CALN1: variants seen among roughly 807,000 people sequenced by gnomAD.
The protein encoded by CALN1 is calcium-binding protein 8.
CALN1 carries 17 observed loss-of-function variants against 30.6 expected under a neutral mutation model. The observed-to-expected ratio is 0.56, with a 90% CI of 0.38 to 0.83. The LOEUF is 0.83. Ranked by LOEUF, CALN1 falls within the 40% of genes least tolerant of loss-of-function variation. CALN1 has a pLI of 0.00. For synonymous variants in CALN1, 156 were observed against 131.4 expected, an observed-to-expected ratio of 1.19 and a Z score of -1.28; for missense variants, 291 against 354.9, an observed-to-expected ratio of 0.82 and a Z score of 1.45.
chr7:72,201,677 C>G (rs542722065), intron 3 of CALN1, among the ~76,000 whole-genome samples: 5 of 151,460 alleles, frequency 3.3e-5, no homozygotes, highest in African/African-American at 1.2e-4. Context: ...GTATCCCAAA[C>G]CTCAGCATCA....
At chr7:72,447,243 A>C (rs1482977027), upstream of CALN1, 2 of 152,552 alleles carry the variant, frequency 1.3e-5, no homozygotes, top group Admixed American at 6.6e-5. Context: ...GAAGGGTGCC[A>C]GTGCTGCTGC....
chr7:71,871,431 G>A, intron 5 of CALN1, among the ~76,000 whole-genome samples: 1 of 152,074 alleles, frequency 6.6e-6, no homozygotes, highest in East Asian at 1.9e-4. Flanking sequence ...ACAGCTGAAT[G>A]TGACTGGGAA....
intron 3 of CALN1, among the ~76,000 whole-genome samples, chr7:72,150,205 A>G (rs1415497614): frequency 6.6e-6 from 1 of 152,036 alleles, no homozygotes; most frequent in Middle Eastern, 3.2e-3. Flanking sequence ...ATCTTCACGA[A>G]TCTTTTGCAT....
intron 2 of CALN1, among the ~76,000 whole-genome samples, chr7:72,292,477 A>G (rs1417197090): frequency 6.8e-6 from 1 of 148,128 alleles, no homozygotes; most frequent in Admixed American, 6.7e-5. Flanking sequence ...TCATGACCCA[A>G]TCACCTCTCA....
the CALN1 span, among the ~76,000 whole-genome samples, chr7:72,464,093 A>G: frequency 2.1e-4 from 32 of 151,932 alleles, no homozygotes; most frequent in Admixed American, 5.9e-4. Flanking sequence ...AGAAAGAAAG[A>G]AAGAAAGAGA....
At chr7:71,837,427 A>G (rs949801183) in intron 5 of CALN1, among the ~76,000 whole-genome samples, 3 of 152,146 alleles carry the variant, frequency 2.0e-5, no homozygotes, top group Non-Finnish European at 4.4e-5. Context: ...TGAATTAACT[A>G]TAAGGGAAGA....
chr7:72,112,754 C>A (rs1807669189), intron 3 of CALN1, among the ~76,000 whole-genome samples: 1 of 152,108 alleles, frequency 6.6e-6, no homozygotes, highest in African/African-American at 2.4e-5. Context: ...AGATAAGTAG[C>A]AAAAGAAACT....
intron 3 of CALN1, among the ~76,000 whole-genome samples, chr7:72,263,093 G>A (rs999869435): frequency 6.6e-6 from 1 of 152,150 alleles, no homozygotes; most frequent in Non-Finnish European, 1.5e-5. Context: ...CCCCAGTGTT[G>A]GGGTGGTGGT....
chr7:72,336,855 G>A lies in CALN1; in HGVS notation c.120-58045C>T, dbSNP rs1025837605. 3 of 984,932 alleles carry A rather than the reference G, an allele frequency of 3.0e-6. No individual in the cohort carries two copies. The East Asian group carries it at 3.4e-4, about 113-fold the overall frequency. 61.0% of individuals were successfully genotyped at this position (984,932 alleles called of 1,614,324 possible). A position where few individuals can be genotyped will look rare whatever the true frequency, so the allele number is the denominator to read the frequency against. ...CTCTCGCTCACACCCCCAGCAGGCA[G>A]CCGCGTCCCCGTGCCGGCATCCTCG... On this transcript the variant is annotated intron_variant, in intron 2 of 6. Coordinates refer to ENST00000395275, the MANE Select transcript of CALN1 (RefSeq NM_031468.4).
At chr7:72,285,212 T>G (rs1424982751) in intron 2 of CALN1, among the ~76,000 whole-genome samples, 1 of 152,138 alleles carries the variant, frequency 6.6e-6, no homozygotes, top group East Asian at 1.9e-4. Flanking sequence ...CTTCTTTTAT[T>G]TTTCCTGGTA....
At chr7:72,330,165 C>T (rs919463999) in intron 2 of CALN1, among the ~76,000 whole-genome samples, 1 of 151,664 alleles carries the variant, frequency 6.6e-6, no homozygotes, top group African/African-American at 2.4e-5. Flanking sequence ...TGGTGGCGGG[C>T]GCCTGTAATC....
chr7:72,368,809 CTTTTTTTT>C (rs57192078), intron 2 of CALN1, among the ~76,000 whole-genome samples: 1,055 of 101,578 alleles, frequency 0.01, 20 homozygotes, highest in African/African-American at 0.037. Context: ...GTTTGAAACC[CTTTTTTTT>C]TTTTTTTTTT....
At chr7:72,245,793 C>A (rs1795120910) in intron 3 of CALN1, among the ~76,000 whole-genome samples, 1 of 152,270 alleles carries the variant, frequency 6.6e-6, no homozygotes, top group Admixed American at 6.5e-5. Context: ...TAGGCTGATG[C>A]CTCAGCAAAA....
At chr7:72,280,746 T>G (rs540630989) in intron 2 of CALN1, among the ~76,000 whole-genome samples, 1 of 152,136 alleles carries the variant, frequency 6.6e-6, no homozygotes, top group Admixed American at 6.5e-5. Context: ...AATGCAACAG[T>G]GTTGAGAGGT....
chr7:72,452,849 C>G, the CALN1 span, among the ~76,000 whole-genome samples: 15 of 152,214 alleles, frequency 9.9e-5, no homozygotes, highest in Middle Eastern at 3.4e-3. Context: ...TTCCCATTGC[C>G]CCTCAGCTCC....
chr7:72,208,157 A>T (rs1792031176), intron 3 of CALN1, among the ~76,000 whole-genome samples: 1 of 152,240 alleles, frequency 6.6e-6, no homozygotes. Flanking sequence ...CACTTATTTT[A>T]ATTTAGCTAT....
intron 4 of CALN1, among the ~76,000 whole-genome samples, chr7:72,099,372 C>T (rs1156668264): frequency 6.6e-6 from 1 of 151,214 alleles, no homozygotes; most frequent in African/African-American, 2.4e-5. Context: ...ACATGTTCCA[C>T]ACCAAAGAGA....
At chr7:71,799,769 C>G (rs1787197877) in intron 6 of CALN1, among the ~76,000 whole-genome samples, 1 of 152,186 alleles carries the variant, frequency 6.6e-6, no homozygotes, top group Admixed American at 6.5e-5. Context: ...AGCCGCCGCG[C>G]CCAGCTGGGT....
At chr7:72,123,799 A>G (rs997774094) in intron 3 of CALN1, among the ~76,000 whole-genome samples, 2 of 152,184 alleles carry the variant, frequency 1.3e-5, no homozygotes. Flanking sequence ...CCCATTATCA[A>G]TAGGAAGCAA....
Sources: gnomAD v4.1 joint callset for allele counts (sites outside exome capture counted in the v4.1 genomes callset) on GRCh38, gnomAD v4.1.1 for gene constraint, MANE v1.5 for transcripts, NCBI Gene and HGNC (gene_info 2026-07-23, HGNC 2026-07-21) for gene names.